SPG7: variants seen among roughly 807,000 people sequenced by gnomAD.
SPG7 encodes SPG7 matrix AAA peptidase subunit, paraplegin, also known as mitochondrial inner membrane m-AAA protease component paraplegin.
In SPG7, 103 loss-of-function variants were observed where a neutral mutation model predicts 81.9. The ratio of observed to expected loss-of-function variants is 1.26; its 90% CI spans 1.07 to 1.48. The LOEUF (loss-of-function observed/expected upper bound fraction) is 1.48. SPG7 is among the 40% of genes most tolerant of loss of function. The pLI is 0.00. For synonymous variants in SPG7, 534 were observed against 444.2 expected (o/e 1.20, Z -2.54); for missense variants, 1,241 against 1,087.3 (o/e 1.14, Z -1.99).
intron 2 of SPG7, among the ~76,000 whole-genome samples, chr16:89,512,072 C>T (rs1369597917): frequency 2.0e-5 from 3 of 151,862 alleles, no homozygotes; most frequent in Admixed American, 6.6e-5. Context: ...CCACTATGCC[C>T]GGCTAATTTT....
intron 9 of SPG7, chr16:89,544,166 C>T (rs181979718): frequency 5.5e-5 from 14 of 256,818 alleles, no homozygotes; most frequent in African/African-American, 2.0e-4. Context: ...GTGATCGTTT[C>T]TGGACTCACT....
At chr16:89,518,491 A>G (rs529281384) in intron 3 of SPG7, 6 of 152,280 alleles carry the variant, frequency 3.9e-5, no homozygotes, top group African/African-American at 1.4e-4. Context: ...CACGGAGTGA[A>G]AAAAGACCCT....
chr16:89,544,814 G>T lies in SPG7; in HGVS notation c.1449+42G>T. ...CAGCCTCTCCCACTCCACCTGGGCC[G>T]CCCCCACTCGCTCTGAGTGGTCTGG... is the stretch of plus-strand genomic sequence containing the variant. On this transcript the variant is annotated intron_variant, in intron 10 of 16. Transcript: ENST00000645818. 5.0e-6 allele frequency: 8 copies of T among 1,611,386 alleles called. No homozygotes were observed. The South Asian group carries it at 8.8e-5, about 18-fold the overall frequency.
chr16:89,537,104 C>T (rs888699530), intron 9 of SPG7: 11 of 1,505,634 alleles, frequency 7.3e-6, no homozygotes, highest in Non-Finnish European at 8.8e-6. Flanking sequence ...TGCAGAGCCA[C>T]AGCTGTGCAT....
chr16:89,556,790 CACAG>C lies in SPG7; in HGVS notation c.2182-92_2182-89del, dbSNP rs529024643. Reference sequence around the variant, plus strand: ...AGTGGCCTGTCCTGGGTGTCCTGCACACAGACAGGCCCTCACGCCTCTTGCCACC... The same window carrying C: ...AGTGGCCTGTCCTGGGTGTCCTGCACACAGGCCCTCACGCCTCTTGCCACC... On this transcript the variant is annotated intron_variant, in intron 16 of 16. Coordinates refer to ENST00000645818, the MANE Select transcript of SPG7 (RefSeq NM_003119.4). 163 of 980,414 alleles carry C rather than the reference CACAG, an allele frequency of 1.7e-4. No individual in the cohort carries two copies. In the African/African-American group the frequency reaches 2.1e-3, roughly 13 times the overall value. The allele number at this position is 980,414 out of a possible 1,614,324, so 60.7% of individuals were successfully genotyped here.
Position 89,529,577 on chromosome 16 carries a change from T to C in SPG7, c.859T>C (p.Phe287Leu), listed in dbSNP as rs764294777. The change falls in exon 6 of 17, where the codon TTT becomes CTT. Residue 287 changes from phenylalanine (F) to leucine (L), a missense_variant and splice_region_variant. Transcript: ENST00000645818. ...MTGREGGFSA[F>L]NQLKMARFTI... ...TGGAAGGGAAGGTGGATTCAGTGCT[T>C]TTGTAAGTTCTGTAAATCAGAGCTC... 6.2e-7 allele frequency: 1 copy of C among 1,607,926 alleles called. No homozygotes were observed.
chr16:89,555,740 G>A (rs1459083983), intron 16 of SPG7: 2 of 397,660 alleles, frequency 5.0e-6, no homozygotes, highest in Non-Finnish European at 8.8e-6. Flanking sequence ...GAGCTGGAGT[G>A]AACGTTTTTG....
At position 89,519,642 on chromosome 16, in the gene SPG7, G is replaced by T. The variant is rs144459419; in HGVS notation, c.377-4364G>T. On this transcript the variant is annotated intron_variant, in intron 3 of 16. Transcript: ENST00000645818. ...GGTGATGCACCCGCCTCAGCCTCCC[G>T]AAGTGCTGGGATGACAGGCGTGAGC... 3.3e-5 allele frequency: 5 copies of T among 151,398 alleles called. No individual in the cohort carries two copies. In the East Asian group the frequency reaches 7.9e-4, roughly 24 times the overall value. The allele number at this position is 151,398 out of a possible 1,614,324, so 9.4% of individuals were successfully genotyped here.
chr16:89,508,709 G>C (rs1433242730), intron 1 of SPG7, 109 bp downstream of exon 1: 11 of 1,121,704 alleles, frequency 9.8e-6, no homozygotes, highest in Non-Finnish European at 1.4e-5. Flanking sequence ...GGGGGAGCCT[G>C]CGCCTGTGGG....
At position 89,537,417 on chromosome 16, in the gene SPG7, C is replaced by T. The variant is rs1334408772; in HGVS notation, c.1324+4781C>T. 2.9e-6 allele frequency: 3 copies of T among 1,047,478 alleles called. No homozygotes were observed. The African/African-American group carries it at 5.0e-5, about 18-fold the overall frequency. 64.9% of individuals were successfully genotyped at this position (1,047,478 alleles called of 1,614,324 possible). On this transcript the variant is annotated intron_variant, in intron 9 of 16. Coordinates refer to ENST00000645818, the MANE Select transcript of SPG7 (RefSeq NM_003119.4). ...ACCACACGCGGGAGCTGCGGAAGCC[C>T]AGCGGTTCACACAGGCCTCCCTTCA...
At chr16:89,536,924 C>A in intron 9 of SPG7, 2 of 1,614,188 alleles carry the variant, frequency 1.2e-6, no homozygotes, top group East Asian at 2.2e-5. Context: ...TAGAGACCAC[C>A]TTTTTGAGTG....
intron 14 of SPG7, chr16:89,553,487 G>A: frequency 1.9e-6 from 1 of 531,266 alleles, no homozygotes; most frequent in South Asian, 2.1e-5. Context: ...GGGGCCCCTG[G>A]GCTCCAGGTC....
chr16:89,546,576 C>G, intron 10 of SPG7, 82 bp from the exon 11 acceptor site: 2 of 932,826 alleles, frequency 2.1e-6, no homozygotes, highest in Non-Finnish European at 3.5e-6. Context: ...TGGGGACCCC[C>G]CCCCCCCACA....
At position 89,529,698 on chromosome 16, in the gene SPG7, C is replaced by T. The variant is rs3803676; in HGVS notation, c.861+119C>T. ...ACCTGTTGCAGAGAGTAGCCTGAAGCCACAATTAGACAGCAGCTCACCTTC... is the reference window on the plus strand; with the variant it reads ...ACCTGTTGCAGAGAGTAGCCTGAAGTCACAATTAGACAGCAGCTCACCTTC... On this transcript the variant is annotated intron_variant, in intron 6 of 16. Transcript: ENST00000645818. 0.46 allele frequency: 356,993 copies of T among 774,036 alleles called. 85,392 individuals carry two copies. Among genetic ancestry groups the T allele is most frequent in the East Asian group, 0.69 (25,798 of 37,392 alleles). The allele number at this position is 774,036 out of a possible 1,614,324, so 47.9% of individuals were successfully genotyped here. A position where few individuals can be genotyped will look rare whatever the true frequency, so the allele number is the denominator to read the frequency against.
At chr16:89,536,965 C>T (rs2152406032) in intron 9 of SPG7, 8 of 1,614,048 alleles carry the variant, frequency 5.0e-6, no homozygotes, top group African/African-American at 1.3e-5. Context: ...GTATATCAAA[C>T]GATCTTCTCC....
At position 89,550,620 on chromosome 16, in the gene SPG7, G is replaced by T; in HGVS notation, c.1779+11G>T. On this transcript the variant is annotated intron_variant, in intron 13 of 16. Coordinates refer to ENST00000645818, the MANE Select transcript of SPG7 (RefSeq NM_003119.4). ...GAGGCCGTGATGAAGGTGGGTCTTG[G>T]CAGGTGCCGGCTCCACGGGCCTTGG... is the stretch of plus-strand genomic sequence containing the variant. The T allele has an allele frequency of 6.3e-7, 1 of 1,593,292 alleles. No individual in the cohort carries two copies.
chr16:89,526,197 T>C, intron 4 of SPG7, 132 bp from the exon 5 acceptor site: 1 of 1,056,972 alleles, frequency 9.5e-7, no homozygotes, highest in Non-Finnish European at 1.5e-6. Context: ...TCACCTCTAG[T>C]TTCTGAATGG....
intron 12 of SPG7, chr16:89,548,857 G>C (rs2058599495): frequency 4.5e-6 from 2 of 440,764 alleles, no homozygotes; most frequent in Non-Finnish European, 9.2e-6. Context: ...CGTTTGAAAA[G>C]GGAAGTGGTT....
chr16:89,553,047 C>A lies in SPG7; in HGVS notation c.1848C>A (p.Leu616=), dbSNP rs772255135. ...FAQMLPRDQH[L]FTKEQLFERM... ...AGATGCTCCCCAGAGACCAGCACCT[C>A]TTCACCAAGGAGCAGCTGTTTGAGC... is the stretch of plus-strand genomic sequence containing the variant. The change falls in exon 14 of 17, where the codon CTC becomes CTA. Residue 616 remains leucine, a synonymous_variant. Coordinates refer to ENST00000645818, the MANE Select transcript of SPG7 (RefSeq NM_003119.4). 3.3e-5 allele frequency: 54 copies of A among 1,613,986 alleles called. No homozygotes were observed. In the South Asian group the frequency reaches 5.7e-4, roughly 17 times the overall value.
Sources: allele counts gnomAD v4.1 joint callset (sites outside exome capture counted in the v4.1 genomes callset), GRCh38; gene constraint gnomAD v4.1.1; transcripts MANE v1.5; gene names NCBI Gene and HGNC (gene_info 2026-07-23, HGNC 2026-07-21).